Variants in FGF12 observed in about 807,000 individuals in gnomAD.
The protein encoded by FGF12 is fibroblast growth factor 12.
FGF12 carries 14 observed loss-of-function variants against 23.6 expected under a neutral mutation model. The ratio of observed to expected loss-of-function variants is 0.59; its 90% CI spans 0.39 to 0.93. The LOEUF (loss-of-function observed/expected upper bound fraction) is 0.93, where lower values mean the gene tolerates loss of function less well. Among genes scored for constraint, FGF12 ranks in the 40% least tolerant of loss-of-function variants. FGF12 has a pLI of 0.00. For missense variants in FGF12, 175 were observed against 217.8 expected, an observed-to-expected ratio of 0.80 and a Z score of 1.24; for synonymous variants, 62 against 77.3, an observed-to-expected ratio of 0.80 and a Z score of 1.04.
chr3:192,575,097 A>G (rs1712816451), intron 2 of FGF12, among the ~76,000 whole-genome samples: 1 of 152,240 alleles, frequency 6.6e-6, no homozygotes, highest in African/African-American at 2.4e-5. Context: ...ATGCTTTAAA[A>G]TCTCAAATAA....
At position 192,602,726 on chromosome 3, in the gene FGF12, A is replaced by ACCC. The variant is rs1560165957; in HGVS notation, c.13+124454_13+124455insGGG. Among the ~76,000 whole-genome samples the ACCC allele has an allele frequency of 3.0e-4, 46 of 151,722 alleles. No homozygotes were observed. In the East Asian group the frequency reaches 6.0e-3, roughly 20 times the overall value. ...TTAAATTAGTGCACAAAGGCCCAAA[A>ACCC]AAAAAAAAAACACAGAAAAATACAG... On this transcript the variant is annotated intron_variant, in intron 2 of 5. Transcript: ENST00000445105.
chr3:192,712,953 AG>A (rs1229476644), intron 2 of FGF12, among the ~76,000 whole-genome samples: 14 of 152,212 alleles, frequency 9.2e-5, no homozygotes, highest in African/African-American at 2.9e-4. Context: ...TGAAATTGAT[AG>A]AATATCTGTG....
At chr3:192,406,508 T>C (rs1032607731) in intron 2 of FGF12, among the ~76,000 whole-genome samples, 3 of 152,148 alleles carry the variant, frequency 2.0e-5, no homozygotes, top group Admixed American at 6.6e-5. Flanking sequence ...GTTATTTTAT[T>C]TTCCACTAGG....
At chr3:192,415,732 T>TCATACA (rs1553810113) in intron 2 of FGF12, among the ~76,000 whole-genome samples, 1 of 118,054 alleles carries the variant, frequency 8.5e-6, no homozygotes, top group East Asian at 2.4e-4. Flanking sequence ...TCTCTCTCTC[T>TCATACA]CACACACACA....
chr3:192,411,555 C>T (rs928911754), intron 2 of FGF12, among the ~76,000 whole-genome samples: 2 of 152,198 alleles, frequency 1.3e-5, no homozygotes, highest in Non-Finnish European at 2.9e-5. Flanking sequence ...TCCATATGTG[C>T]ATCTGGATGG....
chr3:192,543,595 A>G (rs1577045551), intron 2 of FGF12, among the ~76,000 whole-genome samples: 1 of 151,910 alleles, frequency 6.6e-6, no homozygotes, highest in Admixed American at 6.6e-5. Flanking sequence ...CCCTATAGCC[A>G]TCACAGCTGG....
intron 2 of FGF12, among the ~76,000 whole-genome samples, chr3:192,390,945 C>T (rs1348875483): frequency 6.6e-6 from 1 of 152,170 alleles, no homozygotes; most frequent in African/African-American, 2.4e-5. Flanking sequence ...AGGCAAATTG[C>T]ATTTGCGTTC....
chr3:192,182,920 T>A (rs1486116881), intron 4 of FGF12, among the ~76,000 whole-genome samples: 1 of 152,236 alleles, frequency 6.6e-6, no homozygotes, highest in Non-Finnish European at 1.5e-5. Context: ...AAATTATGCC[T>A]ACGGCCATGG....
At chr3:192,675,847 C>T (rs563545693) in intron 2 of FGF12, among the ~76,000 whole-genome samples, 27 of 152,316 alleles carry the variant, frequency 1.8e-4, no homozygotes, top group African/African-American at 6.0e-4. Context: ...GTGGAAACAA[C>T]CGAGGTCTGC....
chr3:192,216,509 A>G (rs1560195980), intron 4 of FGF12, among the ~76,000 whole-genome samples: 1 of 152,216 alleles, frequency 6.6e-6, no homozygotes, highest in Admixed American at 6.5e-5. Context: ...TGTGCTAAAA[A>G]ACTTGGTTTC....
At chr3:192,448,081 A>ATG (rs1157602237) in intron 2 of FGF12, among the ~76,000 whole-genome samples, 1 of 150,794 alleles carries the variant, frequency 6.6e-6, no homozygotes, top group African/African-American at 2.5e-5. Context: ...TTTCATATAT[A>ATG]TATGTGTGTA....
At chr3:192,253,845 T>C (rs1712198036) in intron 4 of FGF12, among the ~76,000 whole-genome samples, 2 of 152,118 alleles carry the variant, frequency 1.3e-5, no homozygotes, top group South Asian at 2.1e-4. Context: ...CATTCATTTA[T>C]AACTGGTTTA....
chr3:192,535,202 T>C (rs1351600655), intron 2 of FGF12, among the ~76,000 whole-genome samples: 1 of 152,080 alleles, frequency 6.6e-6, no homozygotes, highest in South Asian at 2.1e-4. Flanking sequence ...TAAAAATAGG[T>C]TTTTCATATT....
chr3:192,683,453 A>G (rs546758192), intron 2 of FGF12, among the ~76,000 whole-genome samples: 3 of 152,306 alleles, frequency 2.0e-5, no homozygotes, highest in Non-Finnish European at 4.4e-5. Context: ...TTATGTGATT[A>G]TAAGAGACTA....
In FGF12 at chr3:192,515,475, C is replaced by T. The variant is rs536989160; in HGVS notation, c.14-154937G>A. The T allele has an allele frequency of 3.3e-5, 5 of 152,522 alleles. No individual in the cohort carries two copies. The East Asian group carries it at 9.7e-4, about 30-fold the overall frequency. 9.4% of individuals were successfully genotyped at this position (152,522 alleles called of 1,614,324 possible). A position where few individuals can be genotyped will look rare whatever the true frequency, so the allele number is the denominator to read the frequency against. ...GAGTGCCGATGTGGGAGTCTGGACACCTGGATTTTCTGGTCGGGGCTCTGT... is the reference window on the plus strand; with the variant it reads ...GAGTGCCGATGTGGGAGTCTGGACATCTGGATTTTCTGGTCGGGGCTCTGT... On this transcript the variant is annotated intron_variant, in intron 2 of 5. Coordinates refer to ENST00000445105, the MANE Select transcript of FGF12 (RefSeq NM_004113.6).
At chr3:192,440,455 A>G (rs1722171006) in intron 2 of FGF12, among the ~76,000 whole-genome samples, 1 of 152,164 alleles carries the variant, frequency 6.6e-6, no homozygotes, top group Admixed American at 6.5e-5. Context: ...GGGGGAGAGC[A>G]ACAATGTGTC....
intron 2 of FGF12, among the ~76,000 whole-genome samples, chr3:192,559,143 T>C (rs550132605): frequency 6.6e-6 from 1 of 151,882 alleles, no homozygotes; most frequent in South Asian, 2.1e-4. Flanking sequence ...AAGAAAACAA[T>C]CTGCAGGTAA....
intron 2 of FGF12, among the ~76,000 whole-genome samples, chr3:192,594,571 A>G (rs1713760567): frequency 6.6e-6 from 1 of 151,878 alleles, no homozygotes; most frequent in Non-Finnish European, 1.5e-5. Context: ...CCCCAAATTC[A>G]TACGTTGATG....
intron 2 of FGF12, among the ~76,000 whole-genome samples, chr3:192,572,758 CA>C (rs1190394071): frequency 5.3e-5 from 8 of 152,262 alleles, no homozygotes; most frequent in Non-Finnish European, 1.5e-5. Flanking sequence ...GACCCATTCA[CA>C]ATTTACACCA....
Sources: gnomAD v4.1 joint callset for allele counts (sites outside exome capture counted in the v4.1 genomes callset) on GRCh38, gnomAD v4.1.1 for gene constraint, MANE v1.5 for transcripts, NCBI Gene and HGNC (gene_info 2026-07-23, HGNC 2026-07-21) for gene names.